Variants in COMMD10 observed in about 807,000 individuals in gnomAD.
COMMD10 encodes COMM domain containing 10.
COMMD10 carries 33 observed loss-of-function variants against 28.9 expected under a neutral mutation model. The ratio of observed to expected loss-of-function variants is 1.14; its 90% CI spans 0.87 to 1.53. COMMD10 has a LOEUF of 1.53. Among genes scored for constraint, COMMD10 ranks in the 40% most tolerant of loss-of-function variants. COMMD10 has a pLI of 0.00. For missense variants in COMMD10, 310 were observed against 233.4 expected, an observed-to-expected ratio of 1.33 and a Z score of -2.14; for synonymous variants, 110 against 81.7, an observed-to-expected ratio of 1.35 and a Z score of -1.87.
intron 5 of COMMD10, among the ~76,000 whole-genome samples, chr5:116,278,134 T>A (rs764341033): frequency 6.6e-6 from 1 of 151,832 alleles, no homozygotes; most frequent in Non-Finnish European, 1.5e-5. Context: ...AGATATGTAC[T>A]TATCCTTAGA....
At chr5:116,119,273 G>T (rs898403659) in intron 4 of COMMD10, among the ~76,000 whole-genome samples, 2 of 152,190 alleles carry the variant, frequency 1.3e-5, no homozygotes, top group African/African-American at 4.8e-5. Flanking sequence ...CTTTTGTGGT[G>T]TCTAAACTTG....
chr5:116,224,504 G>C (rs181991793), intron 5 of COMMD10, among the ~76,000 whole-genome samples: 262 of 152,314 alleles, frequency 1.7e-3, no homozygotes, highest in Non-Finnish European at 2.9e-3. Flanking sequence ...TTACAATCAT[G>C]GTGGAAGGCA....
At chr5:116,131,803 A>G (rs1751871571) in intron 4 of COMMD10, among the ~76,000 whole-genome samples, 1 of 152,074 alleles carries the variant, frequency 6.6e-6, no homozygotes. Flanking sequence ...GTAGCAGACT[A>G]CAGAGGGAAG....
chr5:116,206,066 A>T (rs1561666830), intron 5 of COMMD10, among the ~76,000 whole-genome samples: 1 of 152,182 alleles, frequency 6.6e-6, no homozygotes, highest in East Asian at 1.9e-4. Flanking sequence ...GTTTTCTGAA[A>T]TTATTAGCTC....
intron 5 of COMMD10, among the ~76,000 whole-genome samples, chr5:116,287,326 A>G (rs1042987347): frequency 1.9e-4 from 29 of 151,672 alleles, no homozygotes; most frequent in African/African-American, 6.6e-4. Flanking sequence ...TCATTATATA[A>G]TGTCTTTCTT....
At chr5:116,125,467 C>G (rs1043786556) in intron 4 of COMMD10, among the ~76,000 whole-genome samples, 1 of 152,148 alleles carries the variant, frequency 6.6e-6, no homozygotes, top group African/African-American at 2.4e-5. Flanking sequence ...ACCTTTGTCT[C>G]TGGCTGCCCT....
At chr5:116,090,147 G>GA (rs5870689) in intron 2 of COMMD10, among the ~76,000 whole-genome samples, 128,567 of 152,124 alleles carry the variant, frequency 0.85, 54,666 homozygotes, top group African/African-American at 0.92. Flanking sequence ...CAATATGAGG[G>GA]ACTAAGACAA....
rs764893943 is a variant in COMMD10 at position 116,291,519 on chromosome 5, C to T, written c.513C>T (p.Ser171=). 67 of 1,597,998 alleles carry T rather than the reference C, an allele frequency of 4.2e-5. No individual in the cohort carries two copies. Among genetic ancestry groups the T allele is most frequent in the Non-Finnish European group, 5.6e-5 (65 of 1,169,942 alleles). ...QLGVNNEDSK[S]LEKVLVEFSH... Reference sequence around the variant, plus strand: ...TTTGTTGTTTTTCTTCCTTACAGAGCCTGGAGAAAGTTCTTGTGGAATTCA... The same window carrying T: ...TTTGTTGTTTTTCTTCCTTACAGAGTCTGGAGAAAGTTCTTGTGGAATTCA... Residue 171 remains serine (S), a splice_region_variant and synonymous_variant, in exon 6 of 7, where the codon AGC becomes AGT. Transcript: ENST00000274458.
At chr5:116,161,567 A>G (rs1036615972) in intron 5 of COMMD10, among the ~76,000 whole-genome samples, 41 of 152,304 alleles carry the variant, frequency 2.7e-4, no homozygotes, top group African/African-American at 9.9e-4. Flanking sequence ...AACAGTCAAC[A>G]CATATTTTAT....
At chr5:116,239,423 T>G (rs1749758327) in intron 5 of COMMD10, among the ~76,000 whole-genome samples, 1 of 152,156 alleles carries the variant, frequency 6.6e-6, no homozygotes, top group Non-Finnish European at 1.5e-5. Flanking sequence ...GTTTTTGTTT[T>G]TAATTTTTAA....
At chr5:116,231,619 C>A (rs1475106441) in intron 5 of COMMD10, among the ~76,000 whole-genome samples, 2 of 152,034 alleles carry the variant, frequency 1.3e-5, no homozygotes, top group Non-Finnish European at 1.5e-5. Context: ...AAACAATGGG[C>A]AAAATTTTCT....
At chr5:116,132,735 G>A (rs1751899016) in intron 4 of COMMD10, among the ~76,000 whole-genome samples, 1 of 152,046 alleles carries the variant, frequency 6.6e-6, no homozygotes, top group African/African-American at 2.4e-5. Flanking sequence ...CTATTGCATG[G>A]GACTTGATAA....
intron 5 of COMMD10, among the ~76,000 whole-genome samples, chr5:116,148,901 G>A (rs545733817): frequency 2.6e-5 from 4 of 151,614 alleles, no homozygotes; most frequent in East Asian, 1.9e-4. Context: ...TGCACAATGC[G>A]CAGGTTAGTT....
At chr5:116,180,529 T>C (rs549558499) in intron 5 of COMMD10, among the ~76,000 whole-genome samples, 1 of 152,242 alleles carries the variant, frequency 6.6e-6, no homozygotes, top group East Asian at 1.9e-4. Flanking sequence ...ATATTTTTAA[T>C]AATAGTTGCC....
chr5:116,220,685 C>A, intron 5 of COMMD10, among the ~76,000 whole-genome samples: 1 of 152,168 alleles, frequency 6.6e-6, no homozygotes. Flanking sequence ...CTTTGTAAAT[C>A]TAAATCATCA....
At chr5:116,150,515 T>A (rs1322826627) in intron 5 of COMMD10, among the ~76,000 whole-genome samples, 1 of 149,666 alleles carries the variant, frequency 6.7e-6, no homozygotes, top group East Asian at 1.9e-4. Flanking sequence ...CATTTGTTTG[T>A]ATCCTCTTTT....
intron 5 of COMMD10, among the ~76,000 whole-genome samples, chr5:116,266,055 G>A (rs1381658997): frequency 2.6e-5 from 4 of 151,668 alleles, no homozygotes. Flanking sequence ...AGGTGGGGAA[G>A]GCCTCCTGGA....
chr5:116,161,563 C>G (rs1442806496), intron 5 of COMMD10, among the ~76,000 whole-genome samples: 1 of 151,740 alleles, frequency 6.6e-6, no homozygotes, highest in East Asian at 1.9e-4. Context: ...CAATAACAGT[C>G]AACACATATT....
At chr5:116,262,317 A>T (rs182761537) in intron 5 of COMMD10, among the ~76,000 whole-genome samples, 1 of 151,768 alleles carries the variant, frequency 6.6e-6, no homozygotes, top group Non-Finnish European at 1.5e-5. Context: ...TAGAAGTTTA[A>T]TACATGTTGT....
Sources: allele counts gnomAD v4.1 joint callset (sites outside exome capture counted in the v4.1 genomes callset), GRCh38; gene constraint gnomAD v4.1.1; transcripts MANE v1.5; gene names NCBI Gene and HGNC (gene_info 2026-07-23, HGNC 2026-07-21).